PCSK2: variants seen among roughly 807,000 people sequenced by gnomAD.
PCSK2 encodes the protein proprotein convertase subtilisin/kexin type 2.
In PCSK2, 14 loss-of-function variants were observed where a neutral mutation model predicts 69.7. The observed-to-expected ratio is 0.20, with a 90% CI of 0.13 to 0.31. The LOEUF is 0.31. Ranked by LOEUF, PCSK2 falls within the 10% of genes least tolerant of loss-of-function variation. The pLI is 1.00. For missense variants in PCSK2, 544 were observed against 842.5 expected (o/e 0.65, Z 4.39); for synonymous variants, 307 against 320.7 (o/e 0.96, Z 0.46).
chr20:17,349,674 TCA>T (rs1437516368), intron 2 of PCSK2, among the ~76,000 whole-genome samples: 2 of 152,152 alleles, frequency 1.3e-5, no homozygotes, highest in Non-Finnish European at 2.9e-5. Flanking sequence ...AAAAAAATCC[TCA>T]GACTATAATA....
chr20:17,394,829 A>C (rs2031473782), intron 5 of PCSK2, among the ~76,000 whole-genome samples: 1 of 152,234 alleles, frequency 6.6e-6, no homozygotes, highest in African/African-American at 2.4e-5. Context: ...ATAGTTTATG[A>C]ATTATGAAGT....
chr20:17,317,150 A>ACTTAGCCTC, intron 2 of PCSK2, among the ~76,000 whole-genome samples: 1 of 152,288 alleles, frequency 6.6e-6, no homozygotes, highest in East Asian at 1.9e-4. Context: ...AGGTAAATCA[A>ACTTAGCCTC]CTTAGCCTCT....
chr20:17,302,264 C>A (rs1330979402), intron 2 of PCSK2, among the ~76,000 whole-genome samples: 2 of 152,326 alleles, frequency 1.3e-5, no homozygotes, highest in Non-Finnish European at 2.9e-5. Context: ...ACTCCCTCCA[C>A]CAACCCATGT....
intron 5 of PCSK2, among the ~76,000 whole-genome samples, chr20:17,400,226 C>CT (rs1323364851): frequency 6.6e-6 from 1 of 152,090 alleles, no homozygotes; most frequent in Non-Finnish European, 1.5e-5. Context: ...CTAACTTATT[C>CT]TTTTTTATTT....
chr20:17,360,654 A>C lies in PCSK2; in HGVS notation c.505+14A>C, dbSNP rs745876060. 2.7e-6 allele frequency: 4 copies of C among 1,455,936 alleles called. No individual in the cohort carries two copies. Among genetic ancestry groups the C allele is most frequent in the Non-Finnish European group, 3.9e-6 (4 of 1,038,872 alleles). 90.2% of individuals were successfully genotyped at this position (1,455,936 alleles called of 1,614,324 possible). ...TTATGGATGATGGTGAGTATTTTGA[A>C]GCCTGTGCCTCATTTGGAAATAAGC... is the stretch of plus-strand genomic sequence containing the variant. On this transcript the variant is annotated intron_variant, in intron 4 of 11. Coordinates refer to ENST00000262545, the MANE Select transcript of PCSK2 (RefSeq NM_002594.5).
At chr20:17,414,286 AG>A (rs1467505014) in intron 6 of PCSK2, among the ~76,000 whole-genome samples, 1 of 152,236 alleles carries the variant, frequency 6.6e-6, no homozygotes, top group Non-Finnish European at 1.5e-5. Flanking sequence ...ATAGATCACT[AG>A]CAAGACTAAT....
At chr20:17,348,076 AAAGAAAGAAAGAAAG>A (rs1334851311) in intron 2 of PCSK2, among the ~76,000 whole-genome samples, 1 of 150,160 alleles carries the variant, frequency 6.7e-6, no homozygotes, top group Non-Finnish European at 1.5e-5. Flanking sequence ...AGAAAGAAAG[AAAGAAAGAAAGAAAG>A]AAAGAAAGAA....
At chr20:17,314,863 T>G (rs2123118389) in intron 2 of PCSK2, among the ~76,000 whole-genome samples, 1 of 152,342 alleles carries the variant, frequency 6.6e-6, no homozygotes, top group Non-Finnish European at 1.5e-5. Flanking sequence ...GTGACTCCTT[T>G]CATGCTTGCT....
intron 2 of PCSK2, among the ~76,000 whole-genome samples, chr20:17,280,460 T>C (rs1439653556): frequency 6.6e-6 from 1 of 152,212 alleles, no homozygotes; most frequent in Non-Finnish European, 1.5e-5. Flanking sequence ...CCCAGAATGA[T>C]GCCATGTGGA....
intron 2 of PCSK2, among the ~76,000 whole-genome samples, chr20:17,305,232 G>A (rs992199483): frequency 2.5e-4 from 38 of 152,166 alleles, no homozygotes; most frequent in African/African-American, 9.2e-4. Flanking sequence ...TTAAACAGAT[G>A]TCTTTATCTT....
rs186457112 is a variant in PCSK2, at chr20:17,405,823, T to C, written c.544-3440T>C. On this transcript the variant is annotated intron_variant, in intron 5 of 11. Coordinates refer to ENST00000262545, the MANE Select transcript of PCSK2 (RefSeq NM_002594.5). ...AACTTTTAGAAGAGAACATGAGCCATCATCAGAAGTTTCTCCCAGAAATAA... is the reference window on the plus strand; with the variant it reads ...AACTTTTAGAAGAGAACATGAGCCACCATCAGAAGTTTCTCCCAGAAATAA... 2.6e-5 allele frequency among the ~76,000 whole-genome samples: 4 copies of C among 152,316 alleles called. No individual in the cohort carries two copies. In the East Asian group the frequency reaches 7.7e-4, roughly 29 times the overall value.
intron 2 of PCSK2, among the ~76,000 whole-genome samples, chr20:17,355,444 G>C (rs577561522): frequency 1.3e-5 from 2 of 152,120 alleles, no homozygotes; most frequent in Non-Finnish European, 2.9e-5. Flanking sequence ...GCAGATAAAG[G>C]CCTCTCGTTG....
At chr20:17,252,157 A>G (rs368822987) in intron 1 of PCSK2, among the ~76,000 whole-genome samples, 140 of 152,280 alleles carry the variant, frequency 9.2e-4, no homozygotes, top group Non-Finnish European at 1.7e-3. Flanking sequence ...TAAAGTGATC[A>G]TGTTCCCCAG....
chr20:17,314,436 A>G (rs937759588), intron 2 of PCSK2, among the ~76,000 whole-genome samples: 4 of 152,180 alleles, frequency 2.6e-5, no homozygotes, highest in African/African-American at 9.7e-5. Context: ...AATGTTTATC[A>G]CCCATGTAGA....
chr20:17,460,453 C>A (rs1206440947), intron 10 of PCSK2, among the ~76,000 whole-genome samples: 1 of 152,072 alleles, frequency 6.6e-6, no homozygotes, highest in Non-Finnish European at 1.5e-5. Flanking sequence ...CATTGCTGTT[C>A]TGAATAAAAC....
intron 5 of PCSK2, among the ~76,000 whole-genome samples, chr20:17,381,022 A>G (rs2031072716): frequency 6.6e-6 from 1 of 152,208 alleles, no homozygotes; most frequent in Non-Finnish European, 1.5e-5. Context: ...GTTGGCTCCC[A>G]GGAATCCTGA....
chr20:17,289,273 A>C (rs1475373487), intron 2 of PCSK2, among the ~76,000 whole-genome samples: 3 of 152,208 alleles, frequency 2.0e-5, no homozygotes, highest in Non-Finnish European at 4.4e-5. Flanking sequence ...TTGTGTACCT[A>C]AAACAAGCCA....
chr20:17,259,486 G>A (rs1169486224), intron 1 of PCSK2, among the ~76,000 whole-genome samples: 2 of 152,146 alleles, frequency 1.3e-5, no homozygotes, highest in East Asian at 3.9e-4. Flanking sequence ...ACAGACCTGA[G>A]CCACATCCAG....
At chr20:17,347,987 GAGAGAA>G (rs1990728673) in intron 2 of PCSK2, among the ~76,000 whole-genome samples, 1 of 122,192 alleles carries the variant, frequency 8.2e-6, no homozygotes, top group Non-Finnish European at 1.7e-5. Flanking sequence ...AGAAAGAGGA[GAGAGAA>G]AAAAGAGAAA....
Sources: allele counts gnomAD v4.1 joint callset (sites outside exome capture counted in the v4.1 genomes callset), GRCh38; gene constraint gnomAD v4.1.1; transcripts MANE v1.5; gene names NCBI Gene and HGNC (gene_info 2026-07-23, HGNC 2026-07-21).